Variants in PDE11A observed in about 807,000 individuals in gnomAD.
PDE11A encodes phosphodiesterase 11A.
PDE11A carries 100 observed loss-of-function variants against 100.5 expected under a neutral mutation model. That is an observed-to-expected ratio of 1.00 (90% CI 0.85 to 1.18). The LOEUF (loss-of-function observed/expected upper bound fraction) is 1.18. Among genes scored for constraint, PDE11A ranks in the 50% most tolerant of loss-of-function variants. The pLI is 0.00. For synonymous variants in PDE11A, 381 were observed against 420.8 expected, an observed-to-expected ratio of 0.91 and a Z score of 1.16; for missense variants, 1,141 against 1,152.6, an observed-to-expected ratio of 0.99 and a Z score of 0.15.
intron 9 of PDE11A, among the ~76,000 whole-genome samples, chr2:177,802,211 A>C (rs1166354858): frequency 6.6e-6 from 1 of 152,150 alleles, no homozygotes; most frequent in Non-Finnish European, 1.5e-5. Flanking sequence ...ATAGCATTAA[A>C]TACTGGTGAG....
intron 19 of PDE11A, among the ~76,000 whole-genome samples, chr2:177,645,190 T>C (rs143142695): frequency 2.2e-4 from 34 of 152,294 alleles, no homozygotes; most frequent in African/African-American, 8.2e-4. Flanking sequence ...TCTTTTTCTT[T>C]CTTTTTTTGT....
intron 13 of PDE11A, among the ~76,000 whole-genome samples, chr2:177,710,199 C>T (rs768973324): frequency 5.3e-5 from 8 of 151,298 alleles, no homozygotes; most frequent in Admixed American, 2.0e-4. Flanking sequence ...TAGCCTCGGA[C>T]GAGGGAAGGA....
At chr2:177,900,867 G>A (rs1451892611) in intron 3 of PDE11A, among the ~76,000 whole-genome samples, 1 of 152,156 alleles carries the variant, frequency 6.6e-6, no homozygotes, top group African/African-American at 2.4e-5. Context: ...TCCTGGGTAG[G>A]GTTATTGAAA....
intron 19 of PDE11A, among the ~76,000 whole-genome samples, chr2:177,656,452 A>G (rs2080385788): frequency 6.6e-6 from 1 of 151,574 alleles, no homozygotes; most frequent in Non-Finnish European, 1.5e-5. Flanking sequence ...TCAAAGATGC[A>G]TTTCTCAGAA....
intron 6 of PDE11A, among the ~76,000 whole-genome samples, chr2:177,834,093 G>A (rs562861505): frequency 6.6e-6 from 1 of 152,310 alleles, no homozygotes; most frequent in African/African-American, 2.4e-5. Flanking sequence ...TCTTTGCTGA[G>A]AGGTTTCTTT....
intron 12 of PDE11A, among the ~76,000 whole-genome samples, chr2:177,713,046 T>C (rs1329134026): frequency 6.6e-6 from 1 of 152,170 alleles, no homozygotes; most frequent in Non-Finnish European, 1.5e-5. Context: ...TCTTGTTCTA[T>C]CACCCAGGCT....
At position 177,697,450 on chromosome 2, in the gene PDE11A, A is replaced by G. The variant is rs970236958; in HGVS notation, c.2245-18T>C. ...TTGTGACCCTGTAATGAGAAAGTAA[A>G]AAGTCACAAAAGACATTAAATCTGT... is the stretch of plus-strand genomic sequence containing the variant. On this transcript the variant is annotated intron_variant, in intron 14 of 19. Coordinates refer to ENST00000286063, the MANE Select transcript of PDE11A (RefSeq NM_016953.4). The G allele has an allele frequency of 2.8e-5, 32 of 1,138,294 alleles. No homozygotes were observed. Among genetic ancestry groups the G allele is most frequent in the Non-Finnish European group, 4.0e-5 (30 of 745,884 alleles). 70.5% of individuals were successfully genotyped at this position (1,138,294 alleles called of 1,614,324 possible).
intron 1 of PDE11A, chr2:178,018,492 T>G: frequency 2.0e-6 from 1 of 495,104 alleles, no homozygotes; most frequent in Non-Finnish European, 4.0e-6. Context: ...CCTTAAAAAG[T>G]AATTCTTAAC....
At chr2:178,041,546 T>G (rs768790639) in intron 1 of PDE11A, among the ~76,000 whole-genome samples, 1 of 152,112 alleles carries the variant, frequency 6.6e-6, no homozygotes, top group Non-Finnish European at 1.5e-5. Flanking sequence ...GGCCAGAAAA[T>G]TCTTTTAAGA....
intron 1 of PDE11A, among the ~76,000 whole-genome samples, chr2:178,047,462 C>CAA (rs1252755818): frequency 2.2e-4 from 23 of 104,964 alleles, no homozygotes; most frequent in African/African-American, 6.8e-4. Flanking sequence ...GAGTCTGTCT[C>CAA]AAAAAAAAAA....
chr2:178,072,173 C>T lies in PDE11A; in HGVS notation c.265G>A (p.Gly89Ser), dbSNP rs1167225025. The T allele has an allele frequency of 1.2e-6, 2 of 1,613,876 alleles. No homozygotes were observed. Among genetic ancestry groups the T allele is most frequent in the African/African-American group, 1.3e-5 (1 of 74,928 alleles). ...NGSAHSQPLP[G>S]GGDCGGVPLS... ...GGAACCCCACCACAGTCCCCGCCAC[C>T]GGGAAGGGGCTGGCTGTGGGCAGAG... Residue 89 changes from glycine to serine, a missense_variant, in exon 1 of 20, where the codon GGT becomes AGT. Transcript: ENST00000286063.
At chr2:177,716,856 T>G (rs1559157874) in intron 12 of PDE11A, among the ~76,000 whole-genome samples, 1 of 152,216 alleles carries the variant, frequency 6.6e-6, no homozygotes, top group Non-Finnish European at 1.5e-5. Flanking sequence ...ATCTAATAGA[T>G]TTGAGATCAA....
chr2:178,041,819 C>T (rs1015197568), intron 1 of PDE11A, among the ~76,000 whole-genome samples: 3 of 152,038 alleles, frequency 2.0e-5, no homozygotes, highest in African/African-American at 4.8e-5. Flanking sequence ...CTTTACTCCT[C>T]GAAAAGACAA....
intron 2 of PDE11A, among the ~76,000 whole-genome samples, chr2:178,093,495 T>C (rs535644443): frequency 5.0e-4 from 76 of 152,256 alleles, no homozygotes; most frequent in African/African-American, 1.7e-3. Flanking sequence ...TTTAAGACAA[T>C]AGAGAAAGGT....
intron 1 of PDE11A, among the ~76,000 whole-genome samples, chr2:178,028,990 C>A (rs573973746): frequency 1.6e-4 from 25 of 152,300 alleles, no homozygotes; most frequent in African/African-American, 6.0e-4. Context: ...CTCCTAGATA[C>A]TCCTTCAGAT....
chr2:178,045,766 G>C (rs2086741685), intron 1 of PDE11A, among the ~76,000 whole-genome samples: 1 of 152,246 alleles, frequency 6.6e-6, no homozygotes, highest in South Asian at 2.1e-4. Flanking sequence ...CACAATTGTT[G>C]GGATCTTCGC....
intron 5 of PDE11A, among the ~76,000 whole-genome samples, chr2:177,851,002 G>C (rs1038532913): frequency 3.3e-5 from 5 of 152,206 alleles, no homozygotes; most frequent in African/African-American, 1.2e-4. Flanking sequence ...TCTAGAACTA[G>C]AAATACCATT....
At chr2:177,771,943 A>G (rs1342796625) in intron 9 of PDE11A, among the ~76,000 whole-genome samples, 1 of 152,110 alleles carries the variant, frequency 6.6e-6, no homozygotes, top group Non-Finnish European at 1.5e-5. Flanking sequence ...CGGAGGTTGC[A>G]GTGAGCCGAG....
chr2:177,965,377 C>T (rs2085685780), intron 2 of PDE11A, among the ~76,000 whole-genome samples: 1 of 152,012 alleles, frequency 6.6e-6, no homozygotes, highest in South Asian at 2.1e-4. Flanking sequence ...AATTAGTTCC[C>T]ATTTGTCAAT....
Sources: gnomAD v4.1 joint callset for allele counts (sites outside exome capture counted in the v4.1 genomes callset) on GRCh38, gnomAD v4.1.1 for gene constraint, MANE v1.5 for transcripts, NCBI Gene and HGNC (gene_info 2026-07-23, HGNC 2026-07-21) for gene names.